ATE1: variants seen among roughly 807,000 people sequenced by gnomAD.
ATE1 encodes arginyltransferase 1.
In ATE1, 36 loss-of-function variants were observed where a neutral mutation model predicts 70.5. The observed-to-expected ratio is 0.51, with a 90% CI of 0.39 to 0.67. The LOEUF (loss-of-function observed/expected upper bound fraction) is 0.67, where lower values mean the gene tolerates loss of function less well. Among genes scored for constraint, ATE1 ranks in the 30% least tolerant of loss-of-function variants. The pLI is 0.00. For missense variants in ATE1, 593 were observed against 629.5 expected (o/e 0.94, Z 0.62); for synonymous variants, 232 against 219.3 (o/e 1.06, Z -0.51).
At chr10:121,835,679 T>C (rs1948406593) in intron 10 of ATE1, among the ~76,000 whole-genome samples, 1 of 152,186 alleles carries the variant, frequency 6.6e-6, no homozygotes, top group African/African-American at 2.4e-5. Flanking sequence ...AGGTATATGA[T>C]GAAATTGTGA....
chr10:121,886,939 A>C (rs1028914499), intron 7 of ATE1, among the ~76,000 whole-genome samples: 1 of 152,250 alleles, frequency 6.6e-6, no homozygotes, highest in Non-Finnish European at 1.5e-5. Context: ...ACTTTCATAT[A>C]CAAAAATGTA....
Position 121,881,495 on chromosome 10 carries a change from G to A in ATE1, c.943-11457C>T, listed in dbSNP as rs915751546. Among the ~76,000 whole-genome samples, 8 of 152,124 alleles carry A rather than the reference G, an allele frequency of 5.3e-5. No individual in the cohort carries two copies. In the East Asian group the frequency reaches 7.7e-4, roughly 15 times the overall value. ...TAGGTAAAGCAATTAAGAAATACACGTATTTTAATAGAAACTAGGCACTAG... is the reference window on the plus strand; with the variant it reads ...TAGGTAAAGCAATTAAGAAATACACATATTTTAATAGAAACTAGGCACTAG... On this transcript the variant is annotated intron_variant, in intron 7 of 11. Transcript: ENST00000224652.
intron 10 of ATE1, among the ~76,000 whole-genome samples, chr10:121,821,876 A>C (rs1947813220): frequency 6.6e-6 from 1 of 152,082 alleles, no homozygotes; most frequent in Non-Finnish European, 1.5e-5. Context: ...CAAACAAAAA[A>C]CACAATGTAC....
At chr10:121,906,085 A>AT (rs1951178460) in intron 5 of ATE1, among the ~76,000 whole-genome samples, 1 of 152,146 alleles carries the variant, frequency 6.6e-6, no homozygotes, top group Non-Finnish European at 1.5e-5. Flanking sequence ...GATTTGTAAT[A>AT]TTTTTTAAAT....
chr10:121,904,770 T>C (rs1951127282), intron 5 of ATE1, among the ~76,000 whole-genome samples: 1 of 144,756 alleles, frequency 6.9e-6, no homozygotes, highest in East Asian at 2.0e-4. Context: ...AAACCTAGAG[T>C]GGTTAAAGGG....
intron 11 of ATE1, among the ~76,000 whole-genome samples, chr10:121,751,849 C>T (rs988962038): frequency 6.6e-6 from 1 of 152,150 alleles, no homozygotes; most frequent in African/African-American, 2.4e-5. Context: ...GTTGCCTGTG[C>T]TTTTTGTATC....
intron 7 of ATE1, among the ~76,000 whole-genome samples, chr10:121,871,288 G>A (rs531030843): frequency 1.4e-4 from 22 of 152,174 alleles, no homozygotes; most frequent in East Asian, 1.4e-3. Flanking sequence ...GTGAAACCCC[G>A]TCTCTAATAA....
intron 7 of ATE1, among the ~76,000 whole-genome samples, chr10:121,896,618 G>A (rs1158083369): frequency 6.6e-6 from 1 of 151,888 alleles, no homozygotes; most frequent in African/African-American, 2.4e-5. Context: ...AGACCAGCCT[G>A]GCCAACATGG....
In ATE1 at chr10:121,823,553, C is replaced by G. The variant is rs77469597; in HGVS notation, c.1257+13165G>C. ...GGAGGCAGAAAAGTTTCCGTGCACA[C>G]AGATAGTGCCCAGCAGCCAGAGCAT... On this transcript the variant is annotated intron_variant, in intron 10 of 11. Transcript: ENST00000224652. Among the ~76,000 whole-genome samples, 22 of 152,316 alleles carry G rather than the reference C, an allele frequency of 1.4e-4. No homozygotes were observed. The East Asian group carries it at 4.2e-3, about 29-fold the overall frequency.
At chr10:121,829,196 G>A (rs1387891652) in intron 10 of ATE1, among the ~76,000 whole-genome samples, 4 of 151,956 alleles carry the variant, frequency 2.6e-5, no homozygotes, top group Non-Finnish European at 5.9e-5. Flanking sequence ...AGGCCGAGGC[G>A]GGCAGAGCAC....
chr10:121,759,222 T>C (rs1316026767), intron 11 of ATE1, among the ~76,000 whole-genome samples: 1 of 152,208 alleles, frequency 6.6e-6, no homozygotes, highest in Non-Finnish European at 1.5e-5. Flanking sequence ...AACAGCCTTA[T>C]TGCTGATATG....
intron 10 of ATE1, among the ~76,000 whole-genome samples, chr10:121,817,735 A>C (rs559902449): frequency 6.6e-6 from 1 of 152,220 alleles, no homozygotes; most frequent in African/African-American, 2.4e-5. Flanking sequence ...GAAAAGGAGT[A>C]AAGGAAAGAT....
At chr10:121,838,582 A>C (rs1948516239) in intron 9 of ATE1, among the ~76,000 whole-genome samples, 1 of 152,192 alleles carries the variant, frequency 6.6e-6, no homozygotes, top group Non-Finnish European at 1.5e-5. Flanking sequence ...AGGAAAGACC[A>C]ATCTATATAA....
chr10:121,745,684 A>C (rs569938326), intron 11 of ATE1, among the ~76,000 whole-genome samples: 3 of 152,128 alleles, frequency 2.0e-5, no homozygotes, highest in Non-Finnish European at 4.4e-5. Context: ...CCGAGATGGC[A>C]TCACTGCACT....
At chr10:121,745,493 A>T (rs192151716) in intron 11 of ATE1, among the ~76,000 whole-genome samples, 4 of 152,106 alleles carry the variant, frequency 2.6e-5, no homozygotes, top group Non-Finnish European at 4.4e-5. Context: ...AAGGTGGGCA[A>T]ATCACGAGGT....
chr10:121,915,298 A>G (rs1951603653), intron 3 of ATE1, among the ~76,000 whole-genome samples: 1 of 152,174 alleles, frequency 6.6e-6, no homozygotes, highest in South Asian at 2.1e-4. Flanking sequence ...AATTAAGTAG[A>G]AGACCTGAAA....
At chr10:121,902,703 A>C in intron 5 of ATE1, 83 bp from the exon 6 acceptor site, 2 of 1,344,824 alleles carry the variant, frequency 1.5e-6, no homozygotes, top group Non-Finnish European at 2.0e-6. Context: ...TCTACAGTGT[A>C]AGTCCAAAGA....
At chr10:121,823,709 G>C (rs1231398425) in intron 10 of ATE1, among the ~76,000 whole-genome samples, 1 of 152,162 alleles carries the variant, frequency 6.6e-6, no homozygotes, top group East Asian at 1.9e-4. Context: ...ACTACATCAA[G>C]CTTTCTAGTT....
chr10:121,841,184 G>A lies in ATE1; in HGVS notation c.1055C>T (p.Ala352Val). Residue 352 changes from alanine to valine, a missense_variant, in exon 9 of 12, where the codon GCT becomes GTT. By Grantham distance (64) the Ala-to-Val change is moderately conservative (BLOSUM62 0). Transcript: ENST00000224652. ...TGGGAGGATGTCAATCACCCCCACAGCAATGATCTTTCCGTCAAGCCAGTA... is the reference window on the plus strand; with the variant it reads ...TGGGAGGATGTCAATCACCCCCACAACAATGATCTTTCCGTCAAGCCAGTA... ...QQYWLDGKII[A>V]VGVIDILPNC... 8 of 1,601,662 alleles carry A rather than the reference G, an allele frequency of 5.0e-6. No homozygotes were observed. Among genetic ancestry groups the A allele is most frequent in the Non-Finnish European group, 6.8e-6 (8 of 1,172,120 alleles).
Sources: gnomAD v4.1 joint callset for allele counts (sites outside exome capture counted in the v4.1 genomes callset) on GRCh38, gnomAD v4.1.1 for gene constraint, MANE v1.5 for transcripts, NCBI Gene and HGNC (gene_info 2026-07-23, HGNC 2026-07-21) for gene names.